The following MDFIC variants were observed in gnomAD, a reference collection of about 807,000 sequenced individuals.
MDFIC encodes the protein MyoD family inhibitor domain containing.
In MDFIC, 17 loss-of-function variants were observed where a neutral mutation model predicts 23.2. The ratio of observed to expected loss-of-function variants is 0.73; its 90% confidence interval spans 0.50 to 1.10. MDFIC has a LOEUF of 1.10. MDFIC is among the 50% of genes least tolerant of loss of function. The pLI is 0.00. For synonymous variants in MDFIC, 120 were observed against 115.2 expected (o/e 1.04, Z -0.27); for missense variants, 356 against 316.6 (o/e 1.12, Z -0.95).
At chr7:114,980,335 T>C (rs1485640991) in intron 4 of MDFIC, among the ~76,000 whole-genome samples, 3 of 152,142 alleles carry the variant, frequency 2.0e-5, no homozygotes, top group Non-Finnish European at 2.9e-5. Flanking sequence ...TCCACTCCCA[T>C]CCCATTTCAG....
intron 4 of MDFIC, among the ~76,000 whole-genome samples, chr7:114,999,107 C>G (rs1791406621): frequency 6.6e-6 from 1 of 151,988 alleles, no homozygotes; most frequent in Non-Finnish European, 1.5e-5. Flanking sequence ...TCTCTCCCTC[C>G]CCTCCCCTTA....
chr7:114,946,240 G>A (rs1792642911), intron 3 of MDFIC, among the ~76,000 whole-genome samples: 1 of 151,924 alleles, frequency 6.6e-6, no homozygotes, highest in African/African-American at 2.4e-5. Flanking sequence ...GTGTGTGTGT[G>A]TGTGTGTGTG....
intron 2 of MDFIC, among the ~76,000 whole-genome samples, chr7:114,927,009 C>T (rs138331814): frequency 1.2e-3 from 187 of 152,118 alleles, no homozygotes; most frequent in Non-Finnish European, 1.3e-3. Context: ...GTTTGGTGGT[C>T]GTAATGGGGG....
At chr7:115,003,822 C>T (rs1791512380) in intron 4 of MDFIC, among the ~76,000 whole-genome samples, 1 of 152,110 alleles carries the variant, frequency 6.6e-6, no homozygotes, top group Admixed American at 6.5e-5. Flanking sequence ...CTCCTTCTAC[C>T]CTATGTTCTC....
intron 4 of MDFIC, among the ~76,000 whole-genome samples, chr7:114,980,955 G>T (rs895542409): frequency 6.6e-6 from 1 of 152,194 alleles, no homozygotes; most frequent in Non-Finnish European, 1.5e-5. Context: ...TAAATGGTCT[G>T]CATAGTTCCA....
intron 2 of MDFIC, among the ~76,000 whole-genome samples, chr7:114,939,248 T>C (rs1441235431): frequency 6.6e-6 from 1 of 152,206 alleles, no homozygotes; most frequent in East Asian, 1.9e-4. Flanking sequence ...TTGGCAAAAG[T>C]CAATTTAAAT....
chr7:114,965,476 T>C (rs746430698), intron 3 of MDFIC, among the ~76,000 whole-genome samples: 11 of 152,172 alleles, frequency 7.2e-5, no homozygotes, highest in Non-Finnish European at 1.3e-4. Flanking sequence ...AGAGTTCAGG[T>C]TAGGAGACCA....
chr7:114,988,612 C>T (rs936102046), intron 4 of MDFIC, among the ~76,000 whole-genome samples: 1 of 152,110 alleles, frequency 6.6e-6, no homozygotes, highest in Non-Finnish European at 1.5e-5. Flanking sequence ...CTGAGCAGGA[C>T]TGTCATTAAC....
At chr7:114,982,913 A>G (rs1001346457) in intron 4 of MDFIC, among the ~76,000 whole-genome samples, 1 of 152,198 alleles carries the variant, frequency 6.6e-6, no homozygotes, top group Non-Finnish European at 1.5e-5. Flanking sequence ...GCAGAAGCGC[A>G]AGAGATCAAA....
intron 4 of MDFIC, among the ~76,000 whole-genome samples, chr7:115,013,088 A>G (rs1791712462): frequency 6.6e-6 from 1 of 152,226 alleles, no homozygotes; most frequent in Non-Finnish European, 1.5e-5. Flanking sequence ...ACGAATCAAC[A>G]TAGATAAATC....
intron 3 of MDFIC, among the ~76,000 whole-genome samples, chr7:114,950,942 G>A (rs1792756834): frequency 1.3e-5 from 2 of 152,238 alleles, no homozygotes; most frequent in Non-Finnish European, 2.9e-5. Context: ...AGGAAGCCAA[G>A]GCATGAGGAT....
At chr7:114,931,474 T>C (rs1792307596) in intron 2 of MDFIC, among the ~76,000 whole-genome samples, 1 of 152,232 alleles carries the variant, frequency 6.6e-6, no homozygotes, top group African/African-American at 2.4e-5. Flanking sequence ...GGGAAAACCC[T>C]GCCCACAAAT....
intron 3 of MDFIC, among the ~76,000 whole-genome samples, chr7:114,967,671 T>C (rs919012395): frequency 6.6e-6 from 1 of 152,068 alleles, no homozygotes; most frequent in South Asian, 2.1e-4. Flanking sequence ...CCTGGCACCA[T>C]AGTATATAAA....
intron 2 of MDFIC, among the ~76,000 whole-genome samples, chr7:114,936,613 C>G (rs1403001843): frequency 1.3e-5 from 2 of 152,084 alleles, no homozygotes; most frequent in Admixed American, 6.6e-5. Flanking sequence ...AAAAGTTGTT[C>G]CCTTGTGAAG....
chr7:114,975,939 G>T (rs1200124481), intron 3 of MDFIC, among the ~76,000 whole-genome samples: 1 of 151,982 alleles, frequency 6.6e-6, no homozygotes. Flanking sequence ...AAAATAATTA[G>T]GTGACAGTGA....
rs749180687 is a variant in MDFIC, at chr7:114,942,299, A to G, written c.119A>G (p.Glu40Gly). Residue 40 changes from glutamate (E) to glycine (G), a missense_variant, in exon 3 of 5, where the codon GAG (glutamate) becomes GGG (glycine). Coordinates refer to ENST00000393486, the MANE Select transcript of MDFIC (RefSeq NM_001166345.3). ...GGAAAATGTGATAAAGACAATACTG[A>G]GAAAGATATAACTCAAGCTACCAAT... is the stretch of plus-strand genomic sequence containing the variant. ...AQGKCDKDNTEKDITQATNSH... is the reference protein window; with the variant it reads ...AQGKCDKDNTGKDITQATNSH... 3.2e-6 allele frequency: 5 copies of G among 1,559,372 alleles called. No individual in the cohort carries two copies. Among genetic ancestry groups the G allele is most frequent in the East Asian group, 4.6e-5 (2 of 43,952 alleles).
intron 3 of MDFIC, among the ~76,000 whole-genome samples, chr7:114,969,950 A>G (rs1275968968): frequency 6.6e-6 from 1 of 152,202 alleles, no homozygotes; most frequent in Admixed American, 6.6e-5. Context: ...ATGATCCTGC[A>G]ACATGTGGCT....
intron 3 of MDFIC, among the ~76,000 whole-genome samples, chr7:114,957,901 A>G (rs1296697056): frequency 2.6e-5 from 4 of 152,230 alleles, no homozygotes; most frequent in Admixed American, 2.6e-4. Flanking sequence ...TAAGCCAATA[A>G]TAATTATTTG....
intron 2 of MDFIC, among the ~76,000 whole-genome samples, chr7:114,930,489 T>C (rs895156761): frequency 6.6e-6 from 1 of 152,188 alleles, no homozygotes; most frequent in African/African-American, 2.4e-5. Context: ...AGTTCACATA[T>C]GAGGATTTAA....
Sources: gnomAD v4.1 joint callset for allele counts (sites outside exome capture counted in the v4.1 genomes callset) on GRCh38, gnomAD v4.1.1 for gene constraint, MANE v1.5 for transcripts, NCBI Gene and HGNC (gene_info 2026-07-23, HGNC 2026-07-21) for gene names.